PCLO: variants seen among roughly 807,000 people sequenced by gnomAD.
PCLO encodes protein piccolo.
PCLO carries 82 observed loss-of-function variants against 427.5 expected under a neutral mutation model. The observed-to-expected ratio is 0.19, with a 90% confidence interval of 0.16 to 0.23. PCLO has a LOEUF of 0.23. Ranked by LOEUF, PCLO falls within the 10% of genes least tolerant of loss-of-function variation. The pLI is 1.00. For synonymous variants in PCLO, 2,357 were observed against 2,155.4 expected (o/e 1.09, Z -2.59); for missense variants, 6,239 against 6,115.9 (o/e 1.02, Z -0.67).
chr7:82,960,262 T>C lies in PCLO; in HGVS notation c.4018-3327A>G, dbSNP rs181293159. 4.6e-5 allele frequency among the ~76,000 whole-genome samples: 7 copies of C among 152,306 alleles called. No homozygotes were observed. In the East Asian group the frequency reaches 1.2e-3, roughly 25 times the overall value. On this transcript the variant is annotated intron_variant, in intron 4 of 24. Transcript: ENST00000333891. ...CAATGCAGATTACTGATTTGAGTGTTTGAAACACTCCAAACAAAATTAAGC... is the reference window on the plus strand; with the variant it reads ...CAATGCAGATTACTGATTTGAGTGTCTGAAACACTCCAAACAAAATTAAGC...
chr7:82,912,043 T>C (rs142092883), intron 7 of PCLO, among the ~76,000 whole-genome samples: 47 of 152,310 alleles, frequency 3.1e-4, no homozygotes, highest in African/African-American at 1.0e-3. Flanking sequence ...ATATATCTAA[T>C]GACTGTCTTA....
chr7:83,074,799 C>G lies in PCLO; in HGVS notation c.3300+59451G>C, dbSNP rs188713414. On this transcript the variant is annotated intron_variant, in intron 3 of 24. Coordinates refer to ENST00000333891, the MANE Select transcript of PCLO (RefSeq NM_033026.6). The stretch of plus-strand genomic sequence containing the variant: ...ATCCAAATACTGCATGAAGCACATA[C>G]TTCACACTCTGGCCTTTGCCATTTG... 4.9e-3 allele frequency among the ~76,000 whole-genome samples: 752 copies of G among 152,252 alleles called. 6 individuals carry two copies. Among genetic ancestry groups the G allele is most frequent in the Non-Finnish European group, 8.7e-3 (594 of 67,976 alleles).
rs573278757 is a variant in PCLO at position 83,029,060 on chromosome 7, T to C, written c.3301-62573A>G. ...GACTTAGGCATGGGCAAGGACTTCATGTCTAAAACACCAAAAGCAACAGCA... is the reference window on the plus strand; with the variant it reads ...GACTTAGGCATGGGCAAGGACTTCACGTCTAAAACACCAAAAGCAACAGCA... On this transcript the variant is annotated intron_variant, in intron 3 of 24. Coordinates refer to ENST00000333891, the MANE Select transcript of PCLO (RefSeq NM_033026.6). 4.3e-4 allele frequency among the ~76,000 whole-genome samples: 65 copies of C among 152,244 alleles called. 3 individuals are homozygous for C. Among genetic ancestry groups the C allele is most frequent in the Admixed American group, 3.7e-3 (57 of 15,290 alleles).
At chr7:82,940,755 C>CTTTTTTTTTTTTTTTT (rs71531190) in intron 6 of PCLO, among the ~76,000 whole-genome samples, 9 of 109,138 alleles carry the variant, frequency 8.2e-5, no homozygotes, top group African/African-American at 1.1e-4. Context: ...TTTTTTCTTT[C>CTTTTTTTTTTTTTTTT]TTTTTTTTTT....
chr7:82,907,008 T>C (rs1253211929), intron 8 of PCLO, among the ~76,000 whole-genome samples: 4 of 151,976 alleles, frequency 2.6e-5, no homozygotes, highest in African/African-American at 7.2e-5. Context: ...TAAACCATTA[T>C]TACTATGTAC....
chr7:83,109,725 T>C (rs1412701385), intron 3 of PCLO, among the ~76,000 whole-genome samples: 3 of 152,164 alleles, frequency 2.0e-5, no homozygotes, highest in Admixed American at 6.6e-5. Flanking sequence ...ACAAAATGAA[T>C]ATAAATCCAT....
At chr7:83,074,842 A>G (rs1474613577) in intron 3 of PCLO, among the ~76,000 whole-genome samples, 3 of 152,182 alleles carry the variant, frequency 2.0e-5, no homozygotes, top group Non-Finnish European at 4.4e-5. Flanking sequence ...ACAGGAAGAA[A>G]GGAGAAACAT....
At chr7:82,935,981 C>G (rs1036786347) in intron 6 of PCLO, among the ~76,000 whole-genome samples, 1 of 151,654 alleles carries the variant, frequency 6.6e-6, no homozygotes, top group Non-Finnish European at 1.5e-5. Flanking sequence ...CTGGTTCATT[C>G]TCCTATAATC....
In PCLO at chr7:82,949,950, C is replaced by T; in HGVS notation, c.10638G>A (p.Lys3546=). 1.2e-6 allele frequency: 2 copies of T among 1,613,556 alleles called. No homozygotes were observed. Among genetic ancestry groups the T allele is most frequent in the Non-Finnish European group, 1.7e-6 (2 of 1,179,806 alleles). The change falls in exon 6 of 25, where the codon AAG becomes AAA. Residue 3546 remains lysine, a synonymous_variant. Coordinates refer to ENST00000333891, the MANE Select transcript of PCLO (RefSeq NM_033026.6). The stretch of plus-strand genomic sequence containing the variant: ...CTGAAATGTGTTTAATTATTTCTAC[C>T]TTGGCATCCACTCGTGCCCGTATGG... ...TPSIRARVDA[K]VEIIKHISAP... is the part of the protein sequence containing the mutation.
At chr7:83,130,429 G>A (rs568983274) in intron 3 of PCLO, among the ~76,000 whole-genome samples, 5 of 152,112 alleles carry the variant, frequency 3.3e-5, no homozygotes, top group South Asian at 2.1e-4. Context: ...TGCCCACTTC[G>A]GCCTCCCAGA....
chr7:82,847,016 T>C (rs1584041627), intron 11 of PCLO, 123 bp downstream of exon 11: 1 of 611,370 alleles, frequency 1.6e-6, no homozygotes, highest in East Asian at 2.8e-5. Flanking sequence ...TAGGCTTTGA[T>C]TCACTTTATT....
At chr7:82,987,861 C>A (rs1024689503) in intron 3 of PCLO, among the ~76,000 whole-genome samples, 1 of 151,824 alleles carries the variant, frequency 6.6e-6, no homozygotes, top group South Asian at 2.1e-4. Context: ...TTAGTTAACA[C>A]AGAACAAGAG....
chr7:82,930,752 T>C (rs1794821606), intron 6 of PCLO, among the ~76,000 whole-genome samples: 1 of 152,178 alleles, frequency 6.6e-6, no homozygotes, highest in African/African-American at 2.4e-5. Flanking sequence ...ATGTGCTCTT[T>C]ATCTCATGAT....
chr7:82,923,418 T>C (rs540144193), intron 6 of PCLO, among the ~76,000 whole-genome samples: 1 of 152,110 alleles, frequency 6.6e-6, no homozygotes, highest in Admixed American at 6.6e-5. Flanking sequence ...GCAAACTACA[T>C]ATTAAAATCT....
chr7:82,913,289 A>G (rs1794366561), intron 7 of PCLO, among the ~76,000 whole-genome samples: 2 of 151,526 alleles, frequency 1.3e-5, no homozygotes, highest in South Asian at 4.1e-4. Flanking sequence ...TTAGTTCAAT[A>G]AAAAAACTAT....
intron 1 of PCLO, among the ~76,000 whole-genome samples, chr7:83,157,032 A>C (rs1003844523): frequency 2.6e-5 from 4 of 152,244 alleles, no homozygotes; most frequent in African/African-American, 9.6e-5. Flanking sequence ...AAAAGTTTAT[A>C]ATCTATTTAA....
chr7:82,822,240 T>G (rs1235123103), intron 20 of PCLO: 58 of 1,345,572 alleles, frequency 4.3e-5, no homozygotes, highest in Non-Finnish European at 5.5e-5. Context: ...TATCAAATGC[T>G]ATGAGCCAGG....
intron 6 of PCLO, among the ~76,000 whole-genome samples, chr7:82,945,542 A>T (rs1795183631): frequency 6.6e-6 from 1 of 152,224 alleles, no homozygotes; most frequent in Admixed American, 6.5e-5. Context: ...TCCTTATAAA[A>T]GGGAAATTTG....
intron 3 of PCLO, among the ~76,000 whole-genome samples, chr7:83,110,897 T>TA (rs1441929425): frequency 2.0e-5 from 3 of 152,224 alleles, no homozygotes; most frequent in Non-Finnish European, 2.9e-5. Flanking sequence ...AAAGCAATGA[T>TA]AAAATTACAA....
Sources: gnomAD v4.1 joint callset for allele counts (sites outside exome capture counted in the v4.1 genomes callset) on GRCh38, gnomAD v4.1.1 for gene constraint, MANE v1.5 for transcripts, NCBI Gene and HGNC (gene_info 2026-07-23, HGNC 2026-07-21) for gene names.